SMAD2: variants seen among roughly 807,000 people sequenced by gnomAD.
The protein encoded by SMAD2 is SMAD family member 2, also known as MAD homolog 2.
A neutral mutation model predicts 64.4 loss-of-function variants in SMAD2; 8 were observed. That is an observed-to-expected ratio of 0.12 (90% CI 0.07 to 0.22). SMAD2 has a LOEUF of 0.22. SMAD2 is among the 10% of genes least tolerant of loss of function. The pLI, the probability that SMAD2 is intolerant of heterozygous loss-of-function variation, is 1.00. For missense variants in SMAD2, 289 were observed against 561.2 expected (o/e 0.51, Z 4.90); for synonymous variants, 203 against 195.8 (o/e 1.04, Z -0.31).
At chr18:47,885,396 G>A (rs984046639) in intron 2 of SMAD2, among the ~76,000 whole-genome samples, 10 of 152,134 alleles carry the variant, frequency 6.6e-5, no homozygotes, top group Non-Finnish European at 1.3e-4. Flanking sequence ...TCGAACTCAT[G>A]ACCTCAAGTG....
intron 2 of SMAD2, among the ~76,000 whole-genome samples, chr18:47,892,266 C>G (rs1340649098): frequency 6.7e-6 from 1 of 148,486 alleles, no homozygotes; most frequent in Non-Finnish European, 1.5e-5. Flanking sequence ...GTGGCTCAAT[C>G]TGGGCTCACC....
intron 3 of SMAD2, among the ~76,000 whole-genome samples, chr18:47,869,971 T>C (rs1016299480): frequency 6.6e-6 from 1 of 152,042 alleles, no homozygotes; most frequent in African/African-American, 2.4e-5. Flanking sequence ...TGGATGGTGA[T>C]GAATATGATG....
intron 1 of SMAD2, among the ~76,000 whole-genome samples, chr18:47,925,429 G>C (rs967557347): frequency 1.3e-5 from 2 of 152,288 alleles, no homozygotes; most frequent in Non-Finnish European, 2.9e-5. Flanking sequence ...TGTGAGGCAA[G>C]CACAGAAGAC....
At chr18:47,927,586 G>A (rs895239336) in intron 1 of SMAD2, among the ~76,000 whole-genome samples, 1 of 152,232 alleles carries the variant, frequency 6.6e-6, no homozygotes, top group African/African-American at 2.4e-5. Context: ...TTGAATAAAT[G>A]AATAAATGTA....
chr18:47,921,340 A>C (rs2034551406), intron 1 of SMAD2, among the ~76,000 whole-genome samples: 2 of 152,232 alleles, frequency 1.3e-5, no homozygotes, highest in Admixed American at 6.5e-5. Context: ...AATCTCTGGA[A>C]CACCACACAA....
chr18:47,865,502 A>C (rs567255172), intron 5 of SMAD2, among the ~76,000 whole-genome samples: 34 of 152,324 alleles, frequency 2.2e-4, no homozygotes, highest in Non-Finnish European at 2.6e-4. Flanking sequence ...GTTGTTGTTT[A>C]ATCTAATGAA....
chr18:47,881,105 T>C (rs1312920384), intron 2 of SMAD2, among the ~76,000 whole-genome samples: 1 of 152,058 alleles, frequency 6.6e-6, no homozygotes, highest in Non-Finnish European at 1.5e-5. Flanking sequence ...CCTACGCCAT[T>C]TCCTTCTTCC....
Position 47,812,043 on chromosome 18 carries a change from TTTAA to T in SMAD2, c.*29780_*29783del, listed in dbSNP as rs1226515930. 6.6e-6 allele frequency: 1 copy of T among 151,660 alleles called. No individual in the cohort carries two copies. Among genetic ancestry groups the T allele is most frequent in the African/African-American group, 2.4e-5 (1 of 41,248 alleles). The allele number at this position is 151,660 out of a possible 1,614,324, so 9.4% of individuals were successfully genotyped here. A position where few individuals can be genotyped will look rare whatever the true frequency, so the allele number is the denominator to read the frequency against. Reference sequence around the variant, plus strand: ...CTGGGTAATTTATAAAGGAAAGAGGTTTAATTGACTCAACAGTTCCACATGGCTG... The same window carrying T: ...CTGGGTAATTTATAAAGGAAAGAGGTTTGACTCAACAGTTCCACATGGCTG... On this transcript the variant is annotated 3_prime_UTR_variant, in exon 11 of 11. Transcript: ENST00000262160.
intron 2 of SMAD2, 80 bp downstream of exon 2, chr18:47,896,441 T>G: frequency 6.8e-7 from 1 of 1,466,858 alleles, no homozygotes; most frequent in Non-Finnish European, 9.5e-7. Flanking sequence ...ACAGGCAACT[T>G]GAAAGGAACA....
intron 2 of SMAD2, among the ~76,000 whole-genome samples, chr18:47,892,452 G>A (rs761388315): frequency 3.9e-5 from 6 of 152,120 alleles, no homozygotes; most frequent in Admixed American, 6.5e-5. Flanking sequence ...TGCCTGCCTC[G>A]GCCTCCCAAA....
In SMAD2 at chr18:47,821,657, C is replaced by G. The variant is rs976853103; in HGVS notation, c.*20170G>C. 12 of 152,168 alleles carry G rather than the reference C, an allele frequency of 7.9e-5. No homozygotes were observed. Among genetic ancestry groups the G allele is most frequent in the Admixed American group, 2.6e-4 (4 of 15,274 alleles). The allele number at this position is 152,168 out of a possible 1,614,324, so 9.4% of individuals were successfully genotyped here. On this transcript the variant is annotated 3_prime_UTR_variant, in exon 11 of 11. Transcript: ENST00000262160. ...TTTCAGTATATCCAAATAGGCTTCC[C>G]ATAAGTAAAGGCAGTCACACTGCAA...
At chr18:47,904,130 C>T (rs751807334) in intron 1 of SMAD2, among the ~76,000 whole-genome samples, 10 of 151,264 alleles carry the variant, frequency 6.6e-5, no homozygotes, top group Admixed American at 2.0e-4. Context: ...TGGGAGTCCT[C>T]GATAGAAAGA....
Position 47,832,253 on chromosome 18 carries a change from T to C in SMAD2, c.*9574A>G, listed in dbSNP as rs1294305539. On this transcript the variant is annotated 3_prime_UTR_variant, in exon 11 of 11. Transcript: ENST00000262160. ...TCCTGATACAGAACAGTGTCACTAC[T>C]TCAAGCTAAGCAGTGACAGGCAAAG... The C allele has an allele frequency of 6.6e-6, 1 of 152,196 alleles. No individual in the cohort carries two copies. Among genetic ancestry groups the C allele is most frequent in the East Asian group, 1.9e-4 (1 of 5,198 alleles). 9.4% of individuals were successfully genotyped at this position (152,196 alleles called of 1,614,324 possible).
At chr18:47,842,059 T>A in intron 10 of SMAD2, 109 bp from the exon 11 acceptor site, 1 of 1,267,156 alleles carries the variant, frequency 7.9e-7, no homozygotes, top group Non-Finnish European at 1.1e-6. Context: ...TAAAAGGTTG[T>A]GTATATAATT....
At chr18:47,869,575 A>C (rs1422968075) in intron 3 of SMAD2, 139 bp from the exon 4 acceptor site, 6 of 683,590 alleles carry the variant, frequency 8.8e-6, no homozygotes, top group African/African-American at 3.6e-5. Context: ...GTGAGAATCA[A>C]GAACAAAAAT....
At chr18:47,899,119 TAGAA>T (rs1170094466) in intron 1 of SMAD2, among the ~76,000 whole-genome samples, 1 of 152,060 alleles carries the variant, frequency 6.6e-6, no homozygotes, top group Non-Finnish European at 1.5e-5. Context: ...ATTAGGGACA[TAGAA>T]GGAACAGAGT....
At chr18:47,855,052 C>T (rs1265044952) in intron 6 of SMAD2, among the ~76,000 whole-genome samples, 2 of 152,180 alleles carry the variant, frequency 1.3e-5, no homozygotes, top group East Asian at 1.9e-4. Flanking sequence ...CTTTCTACTG[C>T]TTCCATAGTT....
intron 7 of SMAD2, 41 bp from the exon 8 acceptor site, chr18:47,848,728 T>A (rs2144301378): frequency 7.2e-7 from 1 of 1,384,094 alleles, no homozygotes; most frequent in Non-Finnish European, 1.0e-6. Context: ...AAGGAAGAAA[T>A]GCGTGAACAA....
intron 2 of SMAD2, among the ~76,000 whole-genome samples, chr18:47,873,827 G>C (rs938745697): frequency 2.6e-5 from 4 of 152,140 alleles, no homozygotes; most frequent in Admixed American, 6.6e-5. Context: ...GCCACAGCTA[G>C]GCAGGGCAAC....
Sources: allele counts gnomAD v4.1 joint callset (sites outside exome capture counted in the v4.1 genomes callset), GRCh38; gene constraint gnomAD v4.1.1; transcripts MANE v1.5; gene names NCBI Gene and HGNC (gene_info 2026-07-23, HGNC 2026-07-21).